ATRNL1: variants seen among roughly 807,000 people sequenced by gnomAD.
The protein encoded by ATRNL1 is attractin like 1.
In ATRNL1, 95 loss-of-function variants were observed where a neutral mutation model predicts 182.7. The observed-to-expected ratio is 0.52, with a 90% CI of 0.44 to 0.62. The LOEUF (loss-of-function observed/expected upper bound fraction) is 0.62. ATRNL1 is among the 20% of genes least tolerant of loss of function. The probability of loss-of-function intolerance (pLI) is 0.00; values close to 1 mark genes in which losing one functional copy is unlikely to be tolerated. For missense variants in ATRNL1, 1,471 were observed against 1,679.5 expected, an observed-to-expected ratio of 0.88 and a Z score of 2.17; for synonymous variants, 576 against 568.3, an observed-to-expected ratio of 1.01 and a Z score of -0.19.
chr10:115,257,533 A>C (rs1488521006), intron 10 of ATRNL1, among the ~76,000 whole-genome samples: 1 of 152,082 alleles, frequency 6.6e-6, no homozygotes, highest in East Asian at 1.9e-4. Flanking sequence ...TTTGCACGTG[A>C]GATGTGTCTC....
chr10:115,311,538 G>A (rs578102001), intron 17 of ATRNL1, among the ~76,000 whole-genome samples: 1 of 148,976 alleles, frequency 6.7e-6, no homozygotes, highest in Non-Finnish European at 1.5e-5. Context: ...CTGTCATATG[G>A]TCTATCTTGG....
chr10:115,227,735 C>A (rs1031717399), intron 9 of ATRNL1, among the ~76,000 whole-genome samples: 2 of 152,130 alleles, frequency 1.3e-5, no homozygotes, highest in African/African-American at 2.4e-5. Context: ...GTTATGCAGT[C>A]ATAAAGAAGA....
At chr10:115,561,696 TGTGTGTGG>T (rs1853743466) in intron 26 of ATRNL1, among the ~76,000 whole-genome samples, 1 of 101,882 alleles carries the variant, frequency 9.8e-6, no homozygotes, top group African/African-American at 3.3e-5. Flanking sequence ...TGTGGGTGTG[TGTGTGTGG>T]GTGTGTGTGT....
chr10:115,908,144 G>T (rs1555114979), intron 28 of ATRNL1, among the ~76,000 whole-genome samples: 1 of 152,000 alleles, frequency 6.6e-6, no homozygotes, highest in Admixed American at 6.6e-5. Context: ...AGAACCCTTC[G>T]GCTGCTTGCT....
chr10:115,788,951 C>T (rs78150879), intron 27 of ATRNL1, among the ~76,000 whole-genome samples: 6,221 of 152,214 alleles, frequency 0.041, 372 homozygotes, highest in African/African-American at 0.13. Flanking sequence ...CTAGAAATAA[C>T]GTATTATGAA....
intron 20 of ATRNL1, 143 bp downstream of exon 20, chr10:115,394,895 G>A (rs545619241): frequency 3.1e-6 from 2 of 648,272 alleles, no homozygotes; most frequent in East Asian, 5.7e-5. Context: ...AGATTTGAGG[G>A]TACATGTGCA....
chr10:115,884,049 A>AG (rs1219581135), intron 28 of ATRNL1, among the ~76,000 whole-genome samples: 1 of 152,264 alleles, frequency 6.6e-6, no homozygotes, highest in Non-Finnish European at 1.5e-5. Flanking sequence ...CAACAATGCT[A>AG]GAGCTGAGGA....
At chr10:115,366,650 C>T (rs1554946037) in intron 19 of ATRNL1, among the ~76,000 whole-genome samples, 1 of 150,246 alleles carries the variant, frequency 6.7e-6, no homozygotes, top group Admixed American at 6.6e-5. Context: ...TTTGCAGCGG[C>T]TGGTACCGGT....
intron 26 of ATRNL1, among the ~76,000 whole-genome samples, chr10:115,556,926 C>A (rs1300441986): frequency 6.6e-6 from 1 of 151,158 alleles, no homozygotes; most frequent in East Asian, 1.9e-4. Context: ...TTCTACTGTT[C>A]CATCCCCATC....
chr10:115,927,211 A>T (rs1188404075), intron 28 of ATRNL1, among the ~76,000 whole-genome samples: 3 of 152,180 alleles, frequency 2.0e-5, no homozygotes, highest in Admixed American at 6.6e-5. Flanking sequence ...GATAAAATTC[A>T]ACATCCCTTC....
chr10:115,392,639 T>G (rs1592585647), intron 19 of ATRNL1, among the ~76,000 whole-genome samples: 2 of 152,292 alleles, frequency 1.3e-5, no homozygotes, highest in Non-Finnish European at 1.5e-5. Context: ...GTTGTCATAT[T>G]TAGTTAAGGT....
At chr10:115,268,893 C>G (rs528182584) in intron 13 of ATRNL1, among the ~76,000 whole-genome samples, 2 of 152,246 alleles carry the variant, frequency 1.3e-5, no homozygotes, top group East Asian at 1.9e-4. Context: ...TGTAGTTTCT[C>G]TTTTAACTGT....
At chr10:115,154,335 G>A (rs1264143598) in intron 5 of ATRNL1, among the ~76,000 whole-genome samples, 1 of 152,030 alleles carries the variant, frequency 6.6e-6, no homozygotes, top group Admixed American at 6.6e-5. Context: ...TTATTATTGT[G>A]TGGGAGTCTA....
chr10:115,251,779 G>C (rs1416057956), intron 10 of ATRNL1, among the ~76,000 whole-genome samples: 1 of 152,138 alleles, frequency 6.6e-6, no homozygotes, highest in East Asian at 1.9e-4. Context: ...TACTTAGCAT[G>C]GGTATACTTT....
chr10:115,377,598 A>AT (rs1857748464), intron 19 of ATRNL1, among the ~76,000 whole-genome samples: 1 of 151,942 alleles, frequency 6.6e-6, no homozygotes, highest in African/African-American at 2.4e-5. Context: ...GTGGTATCAT[A>AT]TTTTTCTGAC....
chr10:115,614,171 C>T (rs1302108207), intron 26 of ATRNL1, among the ~76,000 whole-genome samples: 4 of 152,100 alleles, frequency 2.6e-5, no homozygotes, highest in Admixed American at 1.3e-4. Flanking sequence ...TGGCTATAAA[C>T]GTCCGTCATA....
rs1849424547 is a variant in ATRNL1 at position 115,220,732 on chromosome 10, G to C, written c.1532+4852G>C. Among the ~76,000 whole-genome samples, 2 of 97,660 alleles carry C rather than the reference G, an allele frequency of 2.0e-5. 1 individual carries two copies. Among genetic ancestry groups the C allele is most frequent in the Non-Finnish European group, 4.2e-5 (2 of 47,500 alleles). The allele number at this position is 97,660 out of a possible 152,430, so 64.1% of individuals were successfully genotyped here. A position where few individuals can be genotyped will look rare whatever the true frequency, so the allele number is the denominator to read the frequency against. On this transcript the variant is annotated intron_variant, in intron 9 of 28. Coordinates refer to ENST00000355044, the MANE Select transcript of ATRNL1 (RefSeq NM_207303.4). ...AATGGTAAATAAAATAATGGGGGGG[G>C]GGGGGCGGGGTCAGGCAGTGCCCGC...
At chr10:115,192,631 T>C (rs1848211204) in intron 8 of ATRNL1, among the ~76,000 whole-genome samples, 2 of 152,210 alleles carry the variant, frequency 1.3e-5, no homozygotes, top group South Asian at 4.1e-4. Context: ...GTGAAGAATG[T>C]CATTAGTATT....
intron 8 of ATRNL1, among the ~76,000 whole-genome samples, chr10:115,200,134 C>T (rs1466555258): frequency 6.6e-6 from 1 of 151,688 alleles, no homozygotes; most frequent in South Asian, 2.1e-4. Flanking sequence ...AGTTTTATCA[C>T]ATTTATTTCA....
Sources: allele counts gnomAD v4.1 joint callset (sites outside exome capture counted in the v4.1 genomes callset), GRCh38; gene constraint gnomAD v4.1.1; transcripts MANE v1.5; gene names NCBI Gene and HGNC (gene_info 2026-07-23, HGNC 2026-07-21).